ZBTB7C: variants seen among roughly 807,000 people sequenced by gnomAD.
ZBTB7C encodes zinc finger and BTB domain containing 7C, also known as zinc finger and BTB domain-containing protein 7C.
A neutral mutation model predicts 25.7 loss-of-function variants in ZBTB7C; 8 were observed. That is an observed-to-expected ratio of 0.31 (90% CI 0.18 to 0.56). The LOEUF is 0.56. Among genes scored for constraint, ZBTB7C ranks in the 20% least tolerant of loss-of-function variants. The pLI, the probability that ZBTB7C is intolerant of heterozygous loss-of-function variation, is 0.91. For synonymous variants in ZBTB7C, 394 were observed against 369.0 expected, an observed-to-expected ratio of 1.07 and a Z score of -0.78; for missense variants, 824 against 855.2, an observed-to-expected ratio of 0.96 and a Z score of 0.46.
At chr18:48,273,951 G>C (rs2044566574) in intron 2 of ZBTB7C, among the ~76,000 whole-genome samples, 1 of 152,098 alleles carries the variant, frequency 6.6e-6, no homozygotes. Context: ...AAAAGGGAAA[G>C]AACCTACCCC....
chr18:48,178,060 C>T (rs936697047), intron 3 of ZBTB7C, among the ~76,000 whole-genome samples: 2 of 150,780 alleles, frequency 1.3e-5, no homozygotes, highest in Non-Finnish European at 2.9e-5. Flanking sequence ...CTTTAGTGCC[C>T]CTGGGTGTAA....
chr18:48,309,496 G>A (rs2045760012), intron 2 of ZBTB7C, among the ~76,000 whole-genome samples: 1 of 152,210 alleles, frequency 6.6e-6, no homozygotes, highest in Non-Finnish European at 1.5e-5. Flanking sequence ...CAGAAGTGGG[G>A]GTAGTGGCAG....
chr18:48,195,473 A>G (rs1170214759), intron 2 of ZBTB7C, among the ~76,000 whole-genome samples: 1 of 152,204 alleles, frequency 6.6e-6, no homozygotes, highest in African/African-American at 2.4e-5. Context: ...CATGTAAGAC[A>G]TGACTTTGCT....
At chr18:48,113,764 T>C (rs1287586532) in intron 3 of ZBTB7C, among the ~76,000 whole-genome samples, 2 of 152,214 alleles carry the variant, frequency 1.3e-5, no homozygotes, top group African/African-American at 4.8e-5. Context: ...TCCCAGCTAT[T>C]ATCAGTGACA....
At chr18:48,046,164 C>A (rs572748336) in intron 3 of ZBTB7C, among the ~76,000 whole-genome samples, 5 of 152,342 alleles carry the variant, frequency 3.3e-5, no homozygotes, top group African/African-American at 1.2e-4. Context: ...TAAGCCACTA[C>A]ATTTTTGTGT....
chr18:48,048,592 T>C (rs150099132), intron 3 of ZBTB7C, among the ~76,000 whole-genome samples: 3 of 152,282 alleles, frequency 2.0e-5, no homozygotes, highest in African/African-American at 7.2e-5. Context: ...TCAAATGAGG[T>C]AATGCACACA....
chr18:48,291,360 G>T (rs2045224279), intron 2 of ZBTB7C, among the ~76,000 whole-genome samples: 1 of 152,108 alleles, frequency 6.6e-6, no homozygotes, highest in South Asian at 2.1e-4. Flanking sequence ...CCTCTACCTA[G>T]CTGGCCTGGA....
chr18:48,180,148 T>TTCCTTCCTTCC (rs1568282872), intron 3 of ZBTB7C, among the ~76,000 whole-genome samples: 11 of 35,666 alleles, frequency 3.1e-4, no homozygotes, highest in Admixed American at 3.5e-4. Context: ...TCCTTCCTTC[T>TTCCTTCCTTCC]TTCCCTCCCT....
At chr18:48,096,943 C>T (rs2038655968) in intron 3 of ZBTB7C, among the ~76,000 whole-genome samples, 1 of 152,232 alleles carries the variant, frequency 6.6e-6, no homozygotes, top group African/African-American at 2.4e-5. Context: ...CTGGCACCAT[C>T]ATCACCACTA....
intron 2 of ZBTB7C, among the ~76,000 whole-genome samples, chr18:48,295,933 G>A (rs919127383): frequency 6.6e-6 from 1 of 152,176 alleles, no homozygotes; most frequent in Non-Finnish European, 1.5e-5. Flanking sequence ...ATCCTAGGAC[G>A]GAGTTTTGCA....
chr18:48,052,347 T>C (rs1598785073), intron 3 of ZBTB7C, among the ~76,000 whole-genome samples: 1 of 152,126 alleles, frequency 6.6e-6, no homozygotes, highest in South Asian at 2.1e-4. Context: ...ATTGAAGAGG[T>C]TGTGTGTGGA....
chr18:48,304,670 G>A (rs113338202), intron 2 of ZBTB7C, among the ~76,000 whole-genome samples: 20,154 of 151,626 alleles, frequency 0.13, 1,612 homozygotes, highest in Non-Finnish European at 0.19. Context: ...GTGAGACTCC[G>A]TCTCAGAAAA....
chr18:48,080,323 G>A (rs2037932594), intron 3 of ZBTB7C, among the ~76,000 whole-genome samples: 1 of 152,184 alleles, frequency 6.6e-6, no homozygotes, highest in Non-Finnish European at 1.5e-5. Flanking sequence ...TTGCCCACAA[G>A]CGACACGGCA....
At chr18:48,204,464 G>A (rs2042532352) in intron 2 of ZBTB7C, among the ~76,000 whole-genome samples, 1 of 152,154 alleles carries the variant, frequency 6.6e-6, no homozygotes, top group African/African-American at 2.4e-5. Context: ...ATCTCGCTGG[G>A]AGACAAGGCC....
At chr18:48,244,414 C>CAAAT (rs71165316) in intron 2 of ZBTB7C, among the ~76,000 whole-genome samples, 60,500 of 150,764 alleles carry the variant, frequency 0.4, 13,754 homozygotes, top group Non-Finnish European at 0.54. Context: ...GACTCCATCT[C>CAAAT]AAATAAATAA....
intron 2 of ZBTB7C, among the ~76,000 whole-genome samples, chr18:48,261,862 T>C (rs1195094177): frequency 6.6e-6 from 1 of 152,246 alleles, no homozygotes; most frequent in African/African-American, 2.4e-5. Flanking sequence ...TTAAGATCTA[T>C]TTTCTGCACC....
At chr18:48,111,807 G>T (rs2039251446) in intron 3 of ZBTB7C, among the ~76,000 whole-genome samples, 1 of 151,928 alleles carries the variant, frequency 6.6e-6, no homozygotes, top group Non-Finnish European at 1.5e-5. Flanking sequence ...CAGCCAGTGA[G>T]CAAAAAAAGG....
At chr18:48,053,590 C>T (rs759335830) in intron 3 of ZBTB7C, among the ~76,000 whole-genome samples, 5 of 152,194 alleles carry the variant, frequency 3.3e-5, no homozygotes, top group Non-Finnish European at 7.3e-5. Flanking sequence ...ATTATCACCC[C>T]ATTTTTCAAG....
intron 2 of ZBTB7C, among the ~76,000 whole-genome samples, chr18:48,271,964 T>C (rs180953336): frequency 2.2e-4 from 33 of 152,316 alleles, no homozygotes; most frequent in African/African-American, 7.9e-4. Flanking sequence ...TCCTATCCAG[T>C]GCAATAAGAC....
Sources: gnomAD v4.1 joint callset for allele counts (sites outside exome capture counted in the v4.1 genomes callset) on GRCh38, gnomAD v4.1.1 for gene constraint, MANE v1.5 for transcripts, NCBI Gene and HGNC (gene_info 2026-07-23, HGNC 2026-07-21) for gene names.